TAFA2: variants seen among roughly 807,000 people sequenced by gnomAD.
TAFA2 encodes the protein chemokine-like protein TAFA-2.
TAFA2 carries 7 observed loss-of-function variants against 18.8 expected under a neutral mutation model. The observed-to-expected ratio is 0.37, with a 90% CI of 0.21 to 0.70. The LOEUF (loss-of-function observed/expected upper bound fraction) is 0.70, where lower values mean the gene tolerates loss of function less well. TAFA2 is among the 30% of genes least tolerant of loss of function. The probability of loss-of-function intolerance (pLI) is 0.53; values close to 1 mark genes in which losing one functional copy is unlikely to be tolerated. For synonymous variants in TAFA2, 60 were observed against 54.2 expected (o/e 1.11, Z -0.47); for missense variants, 122 against 158.1 (o/e 0.77, Z 1.23).
chr12:62,161,625 C>T (rs1435658535), intron 1 of TAFA2, among the ~76,000 whole-genome samples: 1 of 151,952 alleles, frequency 6.6e-6, no homozygotes, highest in Non-Finnish European at 1.5e-5. Context: ...GATGGATGCC[C>T]TGAAAGCCCT....
intron 1 of TAFA2, among the ~76,000 whole-genome samples, chr12:62,022,441 A>G (rs1881174592): frequency 1.3e-5 from 2 of 152,208 alleles, no homozygotes; most frequent in African/African-American, 4.8e-5. Flanking sequence ...AGAATTAATT[A>G]TCATTCCTGT....
chr12:62,228,689 G>C (rs574223625), intron 1 of TAFA2, among the ~76,000 whole-genome samples: 2 of 151,990 alleles, frequency 1.3e-5, no homozygotes, highest in African/African-American at 4.8e-5. Context: ...TTTAAGTTCA[G>C]GATTTTTTTG....
chr12:61,718,795 C>T (rs1438343149), intron 4 of TAFA2, among the ~76,000 whole-genome samples: 1 of 152,016 alleles, frequency 6.6e-6, no homozygotes, highest in Non-Finnish European at 1.5e-5. Flanking sequence ...GTTTTTATCC[C>T]CTTTCTGCCA....
At chr12:61,977,916 GA>G (rs5798628) in intron 1 of TAFA2, among the ~76,000 whole-genome samples, 146,202 of 151,834 alleles carry the variant, frequency 0.96, 70,460 homozygotes, top group South Asian at 0.99. Flanking sequence ...GAAATAAAGA[GA>G]AAAAAAAAGG....
chr12:61,753,558 G>T, intron 4 of TAFA2, 64 bp downstream of exon 4: 13 of 1,482,494 alleles, frequency 8.8e-6, no homozygotes, highest in African/African-American at 1.4e-5. Context: ...ATTGGTTACT[G>T]CACAAGCTCC....
intron 1 of TAFA2, among the ~76,000 whole-genome samples, chr12:61,871,767 T>C (rs1162855505): frequency 1.3e-5 from 2 of 152,176 alleles, no homozygotes; most frequent in African/African-American, 4.8e-5. Context: ...TTTGGATTAT[T>C]TGAAACGCTT....
chr12:61,791,470 A>G (rs572620768), intron 2 of TAFA2, among the ~76,000 whole-genome samples: 1 of 151,882 alleles, frequency 6.6e-6, no homozygotes, highest in South Asian at 2.1e-4. Context: ...TTGCAACTAT[A>G]CATCTGACAA....
At chr12:61,713,777 C>G (rs1869521779) in intron 4 of TAFA2, among the ~76,000 whole-genome samples, 1 of 151,982 alleles carries the variant, frequency 6.6e-6, no homozygotes, top group Admixed American at 6.6e-5. Flanking sequence ...ATATGAGTGA[C>G]CCAAGTTTAA....
At chr12:62,177,923 G>A (rs1164451346) in intron 1 of TAFA2, among the ~76,000 whole-genome samples, 1 of 152,078 alleles carries the variant, frequency 6.6e-6, no homozygotes, top group Non-Finnish European at 1.5e-5. Flanking sequence ...TGGTGTCACT[G>A]GCTTCCTACT....
chr12:62,056,222 C>T (rs1355322624), intron 1 of TAFA2, among the ~76,000 whole-genome samples: 1 of 152,082 alleles, frequency 6.6e-6, no homozygotes, highest in Non-Finnish European at 1.5e-5. Context: ...TTGAGTAGGA[C>T]AAGGCAACCC....
At chr12:62,154,986 G>T (rs759467087) in intron 1 of TAFA2, among the ~76,000 whole-genome samples, 1 of 152,144 alleles carries the variant, frequency 6.6e-6, no homozygotes, top group Non-Finnish European at 1.5e-5. Flanking sequence ...CATCCAATCG[G>T]TAAAGAGGAC....
chr12:61,820,143 T>TC (rs1872258045), intron 2 of TAFA2, among the ~76,000 whole-genome samples: 1 of 152,082 alleles, frequency 6.6e-6, no homozygotes, highest in South Asian at 2.1e-4. Flanking sequence ...CCAATACTCC[T>TC]CAGTACATCA....
At chr12:61,932,027 C>T (rs917526329) in intron 1 of TAFA2, among the ~76,000 whole-genome samples, 2 of 152,154 alleles carry the variant, frequency 1.3e-5, no homozygotes, top group African/African-American at 4.8e-5. Flanking sequence ...CATCAAATAA[C>T]ATTATAAATC....
At chr12:62,082,350 GT>G (rs1868337158) in intron 1 of TAFA2, among the ~76,000 whole-genome samples, 4 of 152,076 alleles carry the variant, frequency 2.6e-5, no homozygotes, top group Admixed American at 2.6e-4. Context: ...CTGCCTCTAG[GT>G]TTTTTCTAAT....
chr12:62,034,318 C>T lies in TAFA2; in HGVS notation c.-2+156941G>A, dbSNP rs182416053. ...GTCAGGTACCGCCTGGCAGATAAACCATAAGAATAGGAGTCAAATGTTTAT... is the reference window on the plus strand; with the variant it reads ...GTCAGGTACCGCCTGGCAGATAAACTATAAGAATAGGAGTCAAATGTTTAT... On this transcript the variant is annotated intron_variant, in intron 1 of 4. Coordinates refer to ENST00000416284, the MANE Select transcript of TAFA2 (RefSeq NM_178539.5). Among the ~76,000 whole-genome samples, 768 of 152,206 alleles carry T rather than the reference C, an allele frequency of 5.0e-3. 4 individuals carry two copies. The highest frequency in any genetic ancestry group is 8.4e-3 in the Non-Finnish European group (569 of 68,008).
At chr12:61,832,603 G>A (rs1872759432) in intron 2 of TAFA2, among the ~76,000 whole-genome samples, 1 of 152,084 alleles carries the variant, frequency 6.6e-6, no homozygotes, top group Non-Finnish European at 1.5e-5. Flanking sequence ...CTAAGTTTAA[G>A]GTGGTTTGTA....
intron 1 of TAFA2, chr12:62,021,471 ATTCT>A (rs1565718932): frequency 2.3e-6 from 1 of 436,826 alleles, no homozygotes; most frequent in Non-Finnish European, 4.1e-6. Flanking sequence ...CCACTGCATC[ATTCT>A]TTTTTTTTTT....
At chr12:62,166,104 G>A (rs2062437626) in intron 1 of TAFA2, among the ~76,000 whole-genome samples, 1 of 151,984 alleles carries the variant, frequency 6.6e-6, no homozygotes, top group African/African-American at 2.4e-5. Flanking sequence ...ACATCCACGA[G>A]AGTGGTTCCT....
chr12:61,913,539 C>CTATGA (rs1335672831), intron 1 of TAFA2, among the ~76,000 whole-genome samples: 1 of 152,164 alleles, frequency 6.6e-6, no homozygotes, highest in Non-Finnish European at 1.5e-5. Flanking sequence ...TGGCCTCAGT[C>CTATGA]TATGGGTCAT....
Sources: allele counts gnomAD v4.1 joint callset (sites outside exome capture counted in the v4.1 genomes callset), GRCh38; gene constraint gnomAD v4.1.1; transcripts MANE v1.5; gene names NCBI Gene and HGNC (gene_info 2026-07-23, HGNC 2026-07-21).